Variants in RAB20 observed in about 807,000 individuals in gnomAD.
RAB20 encodes RAB20, member RAS oncogene family, also known as ras-related protein Rab-20.
RAB20 carries 2 observed loss-of-function variants against 3.7 expected under a neutral mutation model. The observed-to-expected ratio is 0.54, with a 90% CI of 0.22 to 1.69. The LOEUF (loss-of-function observed/expected upper bound fraction) is 1.69, where lower values mean the gene tolerates loss of function less well. Ranked by LOEUF, RAB20 falls within the 40% of genes most tolerant of loss-of-function variation. The pLI, the probability that RAB20 is intolerant of heterozygous loss-of-function variation, is 0.19. For missense variants in RAB20, 276 were observed against 311.9 expected, an observed-to-expected ratio of 0.88 and a Z score of 0.87; for synonymous variants, 126 against 130.8, an observed-to-expected ratio of 0.96 and a Z score of 0.25.
intron 1 of RAB20, among the ~76,000 whole-genome samples, chr13:110,545,255 G>A (rs991744719): frequency 1.3e-5 from 2 of 152,138 alleles, no homozygotes; most frequent in African/African-American, 4.8e-5. Context: ...CATTTTCCAC[G>A]ATGCAATTAT....
intron 1 of RAB20, among the ~76,000 whole-genome samples, chr13:110,560,844 G>A (rs559412590): frequency 6.6e-6 from 1 of 152,120 alleles, no homozygotes; most frequent in South Asian, 2.1e-4. Flanking sequence ...ATATGCTCCG[G>A]GCTAAGAGGT....
At chr13:110,530,697 G>A (rs1441847099) in intron 1 of RAB20, among the ~76,000 whole-genome samples, 5 of 79,924 alleles carry the variant, frequency 6.3e-5, no homozygotes, top group Admixed American at 1.6e-4. Flanking sequence ...GGTCCCACCC[G>A]CCCCACCTCT....
At chr13:110,552,585 C>T (rs1406080153) in intron 1 of RAB20, among the ~76,000 whole-genome samples, 4 of 150,918 alleles carry the variant, frequency 2.7e-5, no homozygotes, top group Non-Finnish European at 5.9e-5. Flanking sequence ...CCCAGCTACT[C>T]AGGAGGCTGA....
intron 1 of RAB20, among the ~76,000 whole-genome samples, chr13:110,551,258 A>C (rs1026768669): frequency 6.6e-6 from 1 of 152,232 alleles, no homozygotes; most frequent in East Asian, 1.9e-4. Flanking sequence ...GTCACTTTGT[A>C]GCAGTTTGGT....
At chr13:110,552,865 C>T (rs1476001533) in intron 1 of RAB20, among the ~76,000 whole-genome samples, 1 of 152,186 alleles carries the variant, frequency 6.6e-6, no homozygotes. Context: ...AACCACAGTG[C>T]ACTAAAGAGC....
chr13:110,551,928 AAAAAAATAC>A lies in RAB20; in HGVS notation c.172+9411_172+9419del, dbSNP rs760593062. 2.4e-3 allele frequency among the ~76,000 whole-genome samples: 268 copies of A among 110,812 alleles called. 1 individual carries two copies. Among genetic ancestry groups the A allele is most frequent in the Non-Finnish European group, 3.5e-3 (160 of 45,868 alleles). The allele number at this position is 110,812 out of a possible 152,430, so 72.7% of individuals were successfully genotyped here. On this transcript the variant is annotated intron_variant, in intron 1 of 1. Transcript: ENST00000267328. The stretch of plus-strand genomic sequence containing the variant: ...AGACCCCTGTCTCTACAAAAAAAAA[AAAAAAATAC>A]AAAAATTAGCTGGGTGTGGTGGTGC...
chr13:110,523,432 G>C lies in RAB20; in HGVS notation c.*233C>G. ...CCAGGGGTCTCGACTCTGCAGATTG[G>C]GCTTTGCAGAGGATTCCTGTTTCCC... is the stretch of plus-strand genomic sequence containing the variant. On this transcript the variant is annotated 3_prime_UTR_variant, in exon 2 of 2. Transcript: ENST00000267328. 2 of 827,016 alleles carry C rather than the reference G, an allele frequency of 2.4e-6. No homozygotes were observed. Among genetic ancestry groups the C allele is most frequent in the Non-Finnish European group, 3.6e-6 (2 of 548,744 alleles). The allele number at this position is 827,016 out of a possible 1,614,324, so 51.2% of individuals were successfully genotyped here.
rs1884381660 is a variant in RAB20 at position 110,523,944 on chromosome 13, G to A, written c.426C>T (p.Ser142=). The A allele has an allele frequency of 2.5e-6, 4 of 1,614,150 alleles. No individual in the cohort carries two copies. Among genetic ancestry groups the A allele is most frequent in the African/African-American group, 1.3e-5 (1 of 75,022 alleles). The part of the protein sequence containing the change: ...SPNMDAGDRV[S]PRAPKQVQLE... ...GCTGCACCTGCTTAGGTGCCCTTGG[G>A]GAGACACGGTCCCCAGCGTCCATAT... Residue 142 remains serine, a synonymous_variant, in exon 2 of 2, where the codon TCC becomes TCT. Transcript: ENST00000267328.
chr13:110,547,079 T>G (rs1052180752), intron 1 of RAB20, among the ~76,000 whole-genome samples: 36 of 152,166 alleles, frequency 2.4e-4, no homozygotes, highest in Admixed American at 1.6e-3. Context: ...AAAGTGTTCC[T>G]CCTTCTCAAG....
At position 110,552,624 on chromosome 13, in the gene RAB20, C is replaced by T. The variant is rs572626736; in HGVS notation, c.172+8724G>A. ...AGGAGAATGGCGTGAACCCAGGAGGCGGAGCTTGCAGTGAGCCAAGACCAT... is the reference window on the plus strand; with the variant it reads ...AGGAGAATGGCGTGAACCCAGGAGGTGGAGCTTGCAGTGAGCCAAGACCAT... On this transcript the variant is annotated intron_variant, in intron 1 of 1. Coordinates refer to ENST00000267328, the MANE Select transcript of RAB20 (RefSeq NM_017817.3). Among the ~76,000 whole-genome samples the T allele has an allele frequency of 1.9e-3, 286 of 151,594 alleles. 1 individual carries two copies. The highest frequency in any genetic ancestry group is 6.5e-3 in the African/African-American group (267 of 41,310).
At chr13:110,532,439 C>T (rs1884558099) in intron 1 of RAB20, among the ~76,000 whole-genome samples, 1 of 152,002 alleles carries the variant, frequency 6.6e-6, no homozygotes, top group African/African-American at 2.4e-5. Context: ...TGCAGTGATG[C>T]AATCTCAGCT....
chr13:110,528,466 T>C (rs1446778612), intron 1 of RAB20, among the ~76,000 whole-genome samples: 1 of 151,794 alleles, frequency 6.6e-6, no homozygotes, highest in African/African-American at 2.4e-5. Flanking sequence ...TCTTCGTCAT[T>C]ACCACAGTAC....
chr13:110,558,573 G>A (rs984647769), intron 1 of RAB20, among the ~76,000 whole-genome samples: 1 of 151,410 alleles, frequency 6.6e-6, no homozygotes. Flanking sequence ...TAGTAGACAC[G>A]GGTTCACCAC....
chr13:110,547,227 C>T (rs868428891), intron 1 of RAB20, among the ~76,000 whole-genome samples: 14 of 152,310 alleles, frequency 9.2e-5, no homozygotes, highest in South Asian at 2.1e-4. Context: ...GGGAAGGGAA[C>T]GGACCCCTGC....
chr13:110,557,801 C>G (rs958571824), intron 1 of RAB20, among the ~76,000 whole-genome samples: 6 of 152,200 alleles, frequency 3.9e-5, no homozygotes, highest in Non-Finnish European at 5.9e-5. Flanking sequence ...CCCTGCTCCC[C>G]CCGCCTCCCG....
intron 1 of RAB20, among the ~76,000 whole-genome samples, chr13:110,547,710 G>C (rs537734633): frequency 2.6e-5 from 4 of 152,314 alleles, no homozygotes; most frequent in African/African-American, 9.6e-5. Flanking sequence ...GAGGATTAAA[G>C]GAGCTAAAAT....
At chr13:110,526,035 G>A (rs987494050) in intron 1 of RAB20, among the ~76,000 whole-genome samples, 17 of 152,262 alleles carry the variant, frequency 1.1e-4, no homozygotes, top group African/African-American at 3.9e-4. Flanking sequence ...GAATGAGACT[G>A]AGACCTGTGC....
chr13:110,559,167 A>G (rs1885091396), intron 1 of RAB20, among the ~76,000 whole-genome samples: 1 of 152,130 alleles, frequency 6.6e-6, no homozygotes, highest in Admixed American at 6.5e-5. Context: ...CCCCCATGCA[A>G]TCGTTTTTAC....
At chr13:110,548,548 T>C (rs1387883140) in intron 1 of RAB20, among the ~76,000 whole-genome samples, 1 of 151,716 alleles carries the variant, frequency 6.6e-6, no homozygotes, top group Non-Finnish European at 1.5e-5. Flanking sequence ...CAGTCTCACC[T>C]GCCTCCATCC....
Sources: allele counts gnomAD v4.1 joint callset (sites outside exome capture counted in the v4.1 genomes callset), GRCh38; gene constraint gnomAD v4.1.1; transcripts MANE v1.5; gene names NCBI Gene and HGNC (gene_info 2026-07-23, HGNC 2026-07-21).